Variants in FREM1 observed in about 807,000 individuals in gnomAD.
FREM1 encodes FRAS1 related extracellular matrix 1.
Under a neutral mutation model 210.1 loss-of-function variants are expected in FREM1, and 220 were observed. That is an observed-to-expected ratio of 1.05 (90% CI 0.94 to 1.17). FREM1 has a LOEUF of 1.17. Ranked by LOEUF, FREM1 falls within the 50% of genes most tolerant of loss-of-function variation. The pLI, the probability that FREM1 is intolerant of heterozygous loss-of-function variation, is 0.00. For missense variants in FREM1, 3,454 were observed against 2,675.5 expected, an observed-to-expected ratio of 1.29 and a Z score of -6.42; for synonymous variants, 1,189 against 980.2, an observed-to-expected ratio of 1.21 and a Z score of -3.98.
chr9:14,861,382 T>C lies in FREM1; in HGVS notation c.330-1898A>G, dbSNP rs1201134371. 1.4e-5 allele frequency among the ~76,000 whole-genome samples: 2 copies of C among 147,602 alleles called. 1 individual carries two copies. The highest frequency in any genetic ancestry group is 3.0e-5 in the Non-Finnish European group (2 of 67,354). ...ACACATATATACACGTATATACATA[T>C]ATGTACACATATATATGTAATGGGG... On this transcript the variant is annotated intron_variant, in intron 3 of 36. Transcript: ENST00000380880.
chr9:14,763,835 C>A (rs1042036492), intron 27 of FREM1, among the ~76,000 whole-genome samples: 1 of 152,160 alleles, frequency 6.6e-6, no homozygotes, highest in African/African-American at 2.4e-5. Flanking sequence ...AAGCACAGGT[C>A]TTTGGTTCAT....
At chr9:14,753,724 G>A (rs969626502) in intron 29 of FREM1, among the ~76,000 whole-genome samples, 1 of 152,184 alleles carries the variant, frequency 6.6e-6, no homozygotes, top group Non-Finnish European at 1.5e-5. Flanking sequence ...ACCCAGAAGA[G>A]GCAAGGATTA....
chr9:14,879,607 G>A (rs576300610), intron 1 of FREM1, among the ~76,000 whole-genome samples: 25 of 152,256 alleles, frequency 1.6e-4, no homozygotes, highest in African/African-American at 6.0e-4. Context: ...GTTAAATAGC[G>A]TAGATATACT....
chr9:14,814,204 T>C (rs910733110), intron 15 of FREM1, among the ~76,000 whole-genome samples: 7 of 152,222 alleles, frequency 4.6e-5, no homozygotes, highest in African/African-American at 1.7e-4. Flanking sequence ...TTCTATTATT[T>C]ACTCTATTTT....
rs747383989 is a variant in FREM1 at position 14,836,140 on chromosome 9, G to A, written c.1881+5307C>T. Among the ~76,000 whole-genome samples the A allele has an allele frequency of 3.3e-4, 51 of 152,336 alleles. No homozygotes were observed. The highest frequency in any genetic ancestry group is 8.5e-4 in the Admixed American group (13 of 15,296). ...GAACTTCATAGACCCCCAAAGGGGA[G>A]TTCTCTATCTTGGCAAGTAAAATTT... is the stretch of plus-strand genomic sequence containing the variant. On this transcript the variant is annotated intron_variant, in intron 10 of 36. Coordinates refer to ENST00000380880, the MANE Select transcript of FREM1 (RefSeq NM_001379081.2). The surrounding 1 kb of genome is among the most constrained non-coding windows in gnomAD (Gnocchi z 4.9).
intron 5 of FREM1, 22 bp downstream of exon 5, chr9:14,857,531 C>T (rs973837371): frequency 6.3e-7 from 1 of 1,596,402 alleles, no homozygotes. Context: ...TGGGGGCACC[C>T]ACACATAACC....
intron 10 of FREM1, among the ~76,000 whole-genome samples, chr9:14,829,160 G>A (rs1823067981): frequency 6.6e-6 from 1 of 152,166 alleles, no homozygotes; most frequent in Non-Finnish European, 1.5e-5. Flanking sequence ...TGCAAACTGA[G>A]TAAGTCATGT....
chr9:14,773,605 A>ATTT (rs60938956), intron 25 of FREM1, among the ~76,000 whole-genome samples: 1,983 of 143,532 alleles, frequency 0.014, 59 homozygotes, highest in African/African-American at 0.048. Context: ...ACACGTAATG[A>ATTT]TTTTTTTTTT....
At chr9:14,760,610 C>A (rs1402982002) in intron 27 of FREM1, among the ~76,000 whole-genome samples, 2 of 152,058 alleles carry the variant, frequency 1.3e-5, no homozygotes, top group African/African-American at 2.4e-5. Context: ...TAGAGAGGAA[C>A]ATTTTTTTTC....
At chr9:14,889,020 T>C (rs986017017) in intron 1 of FREM1, among the ~76,000 whole-genome samples, 2 of 152,252 alleles carry the variant, frequency 1.3e-5, no homozygotes, top group African/African-American at 4.8e-5. Context: ...AAACATTCCT[T>C]GCAATTGTGC....
At chr9:14,778,346 C>A (rs1848977875) in intron 24 of FREM1, among the ~76,000 whole-genome samples, 1 of 85,908 alleles carries the variant, frequency 1.2e-5, no homozygotes, top group African/African-American at 3.8e-5. Context: ...TGCAGTGGCT[C>A]ACACCTGTAA....
intron 32 of FREM1, 48 bp downstream of exon 32, chr9:14,747,633 T>C: frequency 8.8e-7 from 1 of 1,134,916 alleles, no homozygotes; most frequent in South Asian, 1.6e-5. Flanking sequence ...CATTAAATAC[T>C]TGCATCCATA....
At chr9:14,775,725 A>AT in intron 25 of FREM1, 64 bp downstream of exon 25, 5 of 910,992 alleles carry the variant, frequency 5.5e-6, no homozygotes. Flanking sequence ...AAAAAAAAAA[A>AT]AAAAAATTCT....
rs10961689 is a variant in FREM1, at chr9:14,737,508, T to A, written c.6428A>T (p.Gln2143Leu). The A allele has an allele frequency of 2.5e-6, 4 of 1,612,550 alleles. No homozygotes were observed. In the Admixed American group the frequency reaches 6.7e-5, roughly 27 times the overall value. Residue 2143 changes from glutamine (Q) to leucine (L), a missense_variant, in exon 37 of 37, where the codon CAA (glutamine) becomes CTA (leucine). Coordinates refer to ENST00000380880, the MANE Select transcript of FREM1 (RefSeq NM_001379081.2). ...AFTNGRRGPS[Q>L]RSKLGKSCVL... is the part of the protein sequence containing the mutation. The stretch of plus-strand genomic sequence containing the variant: ...ACAGCTCTTTCCAAGCTTGGAGCGT[T>A]GAGAGGGCCCTCTTCTCCCATTGGT...
intron 1 of FREM1, among the ~76,000 whole-genome samples, chr9:14,901,581 T>C (rs886296368): frequency 1.3e-4 from 19 of 151,344 alleles, no homozygotes; most frequent in Admixed American, 1.1e-3. Context: ...TTTTAAAAAA[T>C]AAAATGGATT....
In FREM1 at chr9:14,806,628, G is replaced by A. The variant is rs746338998; in HGVS notation, c.3274+33C>T. 9.8e-6 allele frequency: 12 copies of A among 1,219,598 alleles called. No individual in the cohort carries two copies. The African/African-American group carries it at 1.6e-4, about 17-fold the overall frequency. The allele number at this position is 1,219,598 out of a possible 1,614,324, so 75.5% of individuals were successfully genotyped here. On this transcript the variant is annotated intron_variant, in intron 18 of 36. Transcript: ENST00000380880. ...AATCGCTTCCATAAATATAAGGAAG[G>A]GAGTCATTGCTGGTGACGAAGCTAC...
intron 24 of FREM1, among the ~76,000 whole-genome samples, chr9:14,778,176 A>G (rs893327726): frequency 1.1e-4 from 17 of 152,196 alleles, no homozygotes; most frequent in Admixed American, 8.5e-4. Context: ...TTATAGATTG[A>G]GCAAAATCAC....
intron 1 of FREM1, among the ~76,000 whole-genome samples, chr9:14,899,878 T>G (rs1295090532): frequency 6.6e-6 from 1 of 152,252 alleles, no homozygotes; most frequent in Non-Finnish European, 1.5e-5. Flanking sequence ...TGTCCTTTAC[T>G]GTGTTGGCCA....
chr9:14,775,943 G>C lies in FREM1; in HGVS notation c.4703C>G (p.Thr1568Ser), dbSNP rs1848482559. ...WGTGLLQHNFTQQDVDSKNVA... is the reference protein window; with the variant it reads ...WGTGLLQHNFSQQDVDSKNVA... ...ATTCTTGCTGTCCACATCCTGCTGG[G>C]TGAAATTGTGTTGAAGTAGCCCTGT... Residue 1568 changes from threonine to serine, a missense_variant, in exon 25 of 37, where the codon ACC (threonine) becomes AGC (serine). Coordinates refer to ENST00000380880, the MANE Select transcript of FREM1 (RefSeq NM_001379081.2). 2 of 1,613,878 alleles carry C rather than the reference G, an allele frequency of 1.2e-6. No homozygotes were observed. Among genetic ancestry groups the C allele is most frequent in the Non-Finnish European group, 8.5e-7 (1 of 1,179,896 alleles).
Sources: allele counts gnomAD v4.1 joint callset (sites outside exome capture counted in the v4.1 genomes callset), GRCh38; gene constraint gnomAD v4.1.1; non-coding constraint Gnocchi (gnomAD v3.1); transcripts MANE v1.5; gene names NCBI Gene and HGNC (gene_info 2026-07-23, HGNC 2026-07-21).